PCCA: variants seen among roughly 807,000 people sequenced by gnomAD.
PCCA encodes the protein propionyl-CoA carboxylase alpha chain, mitochondrial.
PCCA carries 74 observed loss-of-function variants against 101.3 expected under a neutral mutation model. The observed-to-expected ratio is 0.73, with a 90% CI of 0.61 to 0.89. PCCA has a LOEUF of 0.89. Ranked by LOEUF, PCCA falls within the 40% of genes least tolerant of loss-of-function variation. The pLI, the probability that PCCA is intolerant of heterozygous loss-of-function variation, is 0.00. For missense variants in PCCA, 891 were observed against 907.0 expected (o/e 0.98, Z 0.23); for synonymous variants, 294 against 313.6 (o/e 0.94, Z 0.66).
At position 100,446,731 on chromosome 13, in the gene PCCA, G is replaced by A. The variant is rs1371777274; in HGVS notation, c.1846-2521G>A. Among the ~76,000 whole-genome samples, 4 of 152,110 alleles carry A rather than the reference G, an allele frequency of 2.6e-5. No homozygotes were observed. The South Asian group carries it at 6.2e-4, about 24-fold the overall frequency. ...TTTGCCTTTATTAAGTTCAACATGTGTGTATAAAAGAATAGGAAAAACAGA... is the reference window on the plus strand; with the variant it reads ...TTTGCCTTTATTAAGTTCAACATGTATGTATAAAAGAATAGGAAAAACAGA... On this transcript the variant is annotated intron_variant, in intron 20 of 23. Transcript: ENST00000376285.
At chr13:100,099,220 T>C (rs1265774799) in intron 1 of PCCA, among the ~76,000 whole-genome samples, 3 of 152,146 alleles carry the variant, frequency 2.0e-5, no homozygotes, top group Admixed American at 2.0e-4. Context: ...AGAAATAGTG[T>C]TCAGATTGTT....
At chr13:100,251,494 A>G (rs1046089741) in intron 8 of PCCA, among the ~76,000 whole-genome samples, 11 of 152,250 alleles carry the variant, frequency 7.2e-5, no homozygotes, top group Non-Finnish European at 1.5e-4. Context: ...CAGCCACTGC[A>G]GAAACAACAA....
intron 1 of PCCA, 77 bp from the exon 2 acceptor site, chr13:100,102,806 C>A: frequency 1.1e-6 from 1 of 945,260 alleles, no homozygotes; most frequent in Non-Finnish European, 1.7e-6. Flanking sequence ...TAGAACCTAA[C>A]TGGAAGAAAT....
At chr13:100,103,897 A>G (rs1264781473) in intron 2 of PCCA, among the ~76,000 whole-genome samples, 2 of 152,164 alleles carry the variant, frequency 1.3e-5, no homozygotes, top group Non-Finnish European at 2.9e-5. Flanking sequence ...CGAGCTCCCA[A>G]AGTGCTGGGA....
chr13:100,181,219 G>GGT (rs1160213656), intron 6 of PCCA, among the ~76,000 whole-genome samples: 3 of 152,152 alleles, frequency 2.0e-5, no homozygotes, highest in Non-Finnish European at 4.4e-5. Context: ...TAAAAGTGTT[G>GGT]GTGGGGTATG....
intron 4 of PCCA, among the ~76,000 whole-genome samples, chr13:100,135,646 CTTTTA>C (rs753795951): frequency 8.6e-5 from 13 of 151,648 alleles, no homozygotes; most frequent in Non-Finnish European, 1.8e-4. Flanking sequence ...ATTTGTATGT[CTTTTA>C]TTTTATTTTT....
intron 8 of PCCA, among the ~76,000 whole-genome samples, chr13:100,248,575 A>G (rs2061581316): frequency 6.6e-6 from 1 of 151,974 alleles, no homozygotes. Flanking sequence ...TCATGCTATT[A>G]TTTGCTATCT....
At chr13:100,098,868 T>C (rs2047013439) in intron 1 of PCCA, among the ~76,000 whole-genome samples, 2 of 152,178 alleles carry the variant, frequency 1.3e-5, no homozygotes. Flanking sequence ...CTAAATAGTC[T>C]ATTTGAAAGA....
intron 16 of PCCA, among the ~76,000 whole-genome samples, chr13:100,313,224 A>G (rs1276284886): frequency 6.6e-6 from 1 of 152,120 alleles, no homozygotes; most frequent in Admixed American, 6.6e-5. Flanking sequence ...ATCACTCCTG[A>G]ATACTTTACC....
chr13:100,224,211 G>T (rs561147714), intron 7 of PCCA, among the ~76,000 whole-genome samples: 381 of 152,366 alleles, frequency 2.5e-3, no homozygotes, highest in Middle Eastern at 6.8e-3. Context: ...AGGCAGCTAA[G>T]GCTGGGCGAG....
Position 100,425,520 on chromosome 13 carries a change from G to A in PCCA, c.1747-113G>A, listed in dbSNP as rs62619988. ...CTTGGCTGGAGCAGTAAACATGACA[G>A]GTTGTTTGGGAGCCATCTGTTTAAA... On this transcript the variant is annotated intron_variant, in intron 19 of 23. Transcript: ENST00000376285. 0.058 allele frequency: 43,631 copies of A among 747,982 alleles called. 1,665 individuals carry two copies. The highest frequency in any genetic ancestry group is 0.077 in the Non-Finnish European group (32,009 of 413,888). The allele number at this position is 747,982 out of a possible 1,614,324, so 46.3% of individuals were successfully genotyped here.
intron 18 of PCCA, among the ~76,000 whole-genome samples, chr13:100,362,897 A>T (rs901684724): frequency 6.6e-6 from 1 of 152,156 alleles, no homozygotes; most frequent in Non-Finnish European, 1.5e-5. Context: ...CCTCTATGCC[A>T]ATTCCTAGCT....
intron 21 of PCCA, among the ~76,000 whole-genome samples, chr13:100,462,575 CAG>C (rs950824561): frequency 1.1e-4 from 16 of 152,288 alleles, no homozygotes; most frequent in African/African-American, 3.6e-4. Flanking sequence ...TATTGATAAA[CAG>C]TACAGTCCAT....
At chr13:100,281,559 T>C (rs2064123274) in intron 12 of PCCA, among the ~76,000 whole-genome samples, 1 of 152,196 alleles carries the variant, frequency 6.6e-6, no homozygotes, top group Non-Finnish European at 1.5e-5. Flanking sequence ...TTTTGTTGAA[T>C]GGTAATACTC....
chr13:100,527,176 TG>T (rs2153007725), intron 22 of PCCA: 1 of 403,682 alleles, frequency 2.5e-6, no homozygotes, highest in Non-Finnish European at 5.1e-6. Flanking sequence ...TACGATTCGG[TG>T]GTTTCAGTCA....
At chr13:100,283,329 A>C (rs2064293729) in intron 12 of PCCA, among the ~76,000 whole-genome samples, 2 of 152,168 alleles carry the variant, frequency 1.3e-5, no homozygotes, top group African/African-American at 4.8e-5. Flanking sequence ...CCCCACTGGG[A>C]CCTTGACTCA....
intron 21 of PCCA, among the ~76,000 whole-genome samples, chr13:100,494,741 T>C (rs1158503934): frequency 6.6e-6 from 1 of 152,130 alleles, no homozygotes; most frequent in Non-Finnish European, 1.5e-5. Flanking sequence ...CTTCTTGCCT[T>C]ATCTACTAGT....
chr13:100,102,142 C>T (rs2047340396), intron 1 of PCCA, among the ~76,000 whole-genome samples: 1 of 151,372 alleles, frequency 6.6e-6, no homozygotes, highest in Non-Finnish European at 1.5e-5. Context: ...TCTTTTTCTC[C>T]TTTCTTTTCT....
At chr13:100,363,245 C>T (rs938870701) in intron 18 of PCCA, among the ~76,000 whole-genome samples, 2 of 152,034 alleles carry the variant, frequency 1.3e-5, no homozygotes, top group Non-Finnish European at 1.5e-5. Flanking sequence ...CTCCCCTTCC[C>T]CAACCCTGGG....
Sources: allele counts gnomAD v4.1 joint callset (sites outside exome capture counted in the v4.1 genomes callset), GRCh38; gene constraint gnomAD v4.1.1; transcripts MANE v1.5; gene names NCBI Gene and HGNC (gene_info 2026-07-23, HGNC 2026-07-21).